The following RASGRP3 variants were observed in gnomAD, a reference collection of about 807,000 sequenced individuals.
The protein encoded by RASGRP3 is ras guanyl-releasing protein 3.
In RASGRP3, 54 loss-of-function variants were observed where a neutral mutation model predicts 82.7. The ratio of observed to expected loss-of-function variants is 0.65; its 90% confidence interval spans 0.52 to 0.82. The LOEUF (loss-of-function observed/expected upper bound fraction) is 0.82, where lower values mean the gene tolerates loss of function less well. RASGRP3 is among the 40% of genes least tolerant of loss of function. The pLI, the probability that RASGRP3 is intolerant of heterozygous loss-of-function variation, is 0.00. For synonymous variants in RASGRP3, 309 were observed against 300.5 expected, an observed-to-expected ratio of 1.03 and a Z score of -0.29; for missense variants, 861 against 828.9, an observed-to-expected ratio of 1.04 and a Z score of -0.48.
At chr2:33,526,996 A>T (rs1672629087) in intron 9 of RASGRP3, 141 bp from the exon 10 acceptor site, 2 of 878,424 alleles carry the variant, frequency 2.3e-6, no homozygotes, top group Non-Finnish European at 3.4e-6. Flanking sequence ...CTTTTTCCTG[A>T]TTCATATTTC....
intron 17 of RASGRP3, chr2:33,559,507 G>A (rs1003098564): frequency 7.1e-6 from 3 of 419,706 alleles, no homozygotes; most frequent in African/African-American, 6.1e-5. Flanking sequence ...GTGAGAATCA[G>A]AGATACGAGG....
chr2:33,550,436 C>T (rs1675248073), intron 14 of RASGRP3, among the ~76,000 whole-genome samples: 1 of 152,186 alleles, frequency 6.6e-6, no homozygotes, highest in Non-Finnish European at 1.5e-5. Flanking sequence ...CAGCCCTGTG[C>T]TTCACCTACA....
At chr2:33,447,398 C>G (rs1665560201) in intron 1 of RASGRP3, among the ~76,000 whole-genome samples, 2 of 151,900 alleles carry the variant, frequency 1.3e-5, no homozygotes, top group South Asian at 4.2e-4. Flanking sequence ...GTAATTGTGC[C>G]ACATGCTACT....
chr2:33,535,168 T>C (rs1346431313), intron 11 of RASGRP3, among the ~76,000 whole-genome samples: 1 of 152,222 alleles, frequency 6.6e-6, no homozygotes, highest in Non-Finnish European at 1.5e-5. Context: ...AACTCAGAAT[T>C]TGGATGTCAC....
In RASGRP3 at chr2:33,540,289, A is replaced by G. The variant is rs542089531; in HGVS notation, c.1278+1079A>G. ...AGGCAGGCAGGAAAATGGTGGTGCC[A>G]AGAGGAATATTAGTGAGGGAAGGGC... On this transcript the variant is annotated intron_variant, in intron 12 of 17. Transcript: ENST00000403687. 2 of 130,346 alleles carry G rather than the reference A, an allele frequency of 1.5e-5. 1 individual carries two copies. Among genetic ancestry groups the G allele is most frequent in the Non-Finnish European group, 3.6e-5 (2 of 55,390 alleles). The allele number at this position is 130,346 out of a possible 1,614,324, so 8.1% of individuals were successfully genotyped here.
rs1333249144 is a variant in RASGRP3, at chr2:33,522,167, C to T, written c.516+65C>T. The stretch of plus-strand genomic sequence containing the variant: ...ACCATGCCAACTTTCCCAAGAGCTG[C>T]ATTTTCATACTCTGAAGTGTTGGCA... On this transcript the variant is annotated intron_variant, in intron 7 of 17. Transcript: ENST00000403687. 8.6e-6 allele frequency: 13 copies of T among 1,519,974 alleles called. No individual in the cohort carries two copies. The South Asian group carries it at 1.4e-4, about 16-fold the overall frequency. 94.2% of individuals were successfully genotyped at this position (1,519,974 alleles called of 1,614,324 possible).
chr2:33,486,603 A>G (rs773491729), intron 1 of RASGRP3, among the ~76,000 whole-genome samples: 3 of 152,238 alleles, frequency 2.0e-5, no homozygotes, highest in Non-Finnish European at 4.4e-5. Context: ...TCATCTTACA[A>G]TACATAAATG....
At chr2:33,470,466 G>A (rs911884294) in intron 2 of RASGRP3, among the ~76,000 whole-genome samples, 3 of 150,384 alleles carry the variant, frequency 2.0e-5, no homozygotes, top group African/African-American at 7.4e-5. Flanking sequence ...TGCAAGCTCC[G>A]CCTGACGGGT....
intron 3 of RASGRP3, among the ~76,000 whole-genome samples, chr2:33,515,606 A>G (rs1211148884): frequency 1.3e-5 from 2 of 152,168 alleles, no homozygotes; most frequent in Non-Finnish European, 2.9e-5. Flanking sequence ...AGCACATGGC[A>G]TATGCCTCTG....
intron 1 of RASGRP3, among the ~76,000 whole-genome samples, chr2:33,509,222 GA>G (rs1320863298): frequency 2.0e-5 from 3 of 152,096 alleles, no homozygotes; most frequent in Non-Finnish European, 4.4e-5. Flanking sequence ...CCGACATGGG[GA>G]AATGTCCGTT....
chr2:33,457,399 A>T lies in RASGRP3; in HGVS notation c.-261+9456A>T, dbSNP rs538204336. ...TGCATTTGAAAACATGCTTTATTGTAATAAAAATGGGGCTAAATGCATAGT... is the reference window on the plus strand; with the variant it reads ...TGCATTTGAAAACATGCTTTATTGTTATAAAAATGGGGCTAAATGCATAGT... On this transcript the variant is annotated intron_variant, in intron 2 of 18. Coordinates refer to the RASGRP3 transcript ENST00000402538. Among the ~76,000 whole-genome samples the T allele has an allele frequency of 7.9e-5, 12 of 152,294 alleles. No homozygotes were observed. In the South Asian group the frequency reaches 2.5e-3, roughly 32 times the overall value.
chr2:33,547,832 G>T (rs1167344181), intron 13 of RASGRP3, among the ~76,000 whole-genome samples: 1 of 152,088 alleles, frequency 6.6e-6, no homozygotes, highest in Non-Finnish European at 1.5e-5. Flanking sequence ...GGAGAAGGGG[G>T]AGCTGGAGAG....
Position 33,564,275 on chromosome 2 carries a change from C to G in RASGRP3, c.*1538C>G, listed in dbSNP as rs1195325660. The stretch of plus-strand genomic sequence containing the variant: ...GATTTAAAATACGGTTCCAAATACG[C>G]TAAAACCAACTTGTGCCAACCAGAT... On this transcript the variant is annotated 3_prime_UTR_variant, in exon 18 of 18. Coordinates refer to ENST00000403687, the MANE Select transcript of RASGRP3 (RefSeq NM_001139488.2). 1 of 152,154 alleles carries G rather than the reference C, an allele frequency of 6.6e-6. No individual in the cohort carries two copies. The highest frequency in any genetic ancestry group is 1.5e-5 in the Non-Finnish European group (1 of 68,032). 9.4% of individuals were successfully genotyped at this position (152,154 alleles called of 1,614,324 possible). A position where few individuals can be genotyped will look rare whatever the true frequency, so the allele number is the denominator to read the frequency against.
At chr2:33,505,378 C>A (rs1440131173) in intron 1 of RASGRP3, among the ~76,000 whole-genome samples, 1 of 151,788 alleles carries the variant, frequency 6.6e-6, no homozygotes, top group African/African-American at 2.4e-5. Flanking sequence ...TCTTGGCTCA[C>A]CACAACCTCT....
chr2:33,460,041 G>T (rs1666273011), intron 2 of RASGRP3, among the ~76,000 whole-genome samples: 1 of 152,146 alleles, frequency 6.6e-6, no homozygotes, highest in Admixed American at 6.5e-5. Context: ...CCCAATTTTG[G>T]AACTTTATAC....
chr2:33,500,330 T>C (rs1053397388), intron 1 of RASGRP3, among the ~76,000 whole-genome samples: 1 of 152,066 alleles, frequency 6.6e-6, no homozygotes, highest in African/African-American at 2.4e-5. Context: ...TTTGGAAAGA[T>C]TGATTTGGGC....
rs762895703 is a variant in RASGRP3, at chr2:33,469,076, G to A, written c.-261+21133G>A. Among the ~76,000 whole-genome samples, 44 of 151,992 alleles carry A rather than the reference G, an allele frequency of 2.9e-4. 1 individual carries two copies. Among genetic ancestry groups the A allele is most frequent in the African/African-American group, 3.9e-4 (16 of 41,372 alleles). On this transcript the variant is annotated intron_variant, in intron 2 of 18. Coordinates refer to the RASGRP3 transcript ENST00000402538. Reference sequence around the variant, plus strand: ...TATAGATAATAAATTGTATCTTATCGTTGTTTAATGTATACTCCTTTTTTA... The same window carrying A: ...TATAGATAATAAATTGTATCTTATCATTGTTTAATGTATACTCCTTTTTTA...
intron 2 of RASGRP3, among the ~76,000 whole-genome samples, chr2:33,456,622 G>T (rs944384847): frequency 6.6e-6 from 1 of 152,108 alleles, no homozygotes. Flanking sequence ...GTTTGTTAAT[G>T]TATAATTGAC....
At chr2:33,459,819 C>T (rs1237513902) in intron 2 of RASGRP3, among the ~76,000 whole-genome samples, 1 of 152,142 alleles carries the variant, frequency 6.6e-6, no homozygotes, top group African/African-American at 2.4e-5. Flanking sequence ...GAGGCCTTAT[C>T]CTCTGGTGTT....
Sources: gnomAD v4.1 joint callset for allele counts (sites outside exome capture counted in the v4.1 genomes callset) on GRCh38, gnomAD v4.1.1 for gene constraint, MANE v1.5 for transcripts, NCBI Gene and HGNC (gene_info 2026-07-23, HGNC 2026-07-21) for gene names.